The following RALGPS1 variants were observed in gnomAD, a reference collection of about 807,000 sequenced individuals.
The protein encoded by RALGPS1 is Ral GEF with PH domain and SH3 binding motif 1, also known as ras-specific guanine nucleotide-releasing factor RalGPS1.
A neutral mutation model predicts 78.8 loss-of-function variants in RALGPS1; 19 were observed. The observed-to-expected ratio is 0.24, with a 90% CI of 0.17 to 0.35. The LOEUF is 0.35. RALGPS1 is among the 10% of genes least tolerant of loss of function. The pLI, the probability that RALGPS1 is intolerant of heterozygous loss-of-function variation, is 1.00. For missense variants in RALGPS1, 454 were observed against 688.3 expected, an observed-to-expected ratio of 0.66 and a Z score of 3.81; for synonymous variants, 228 against 256.3, an observed-to-expected ratio of 0.89 and a Z score of 1.06.
chr9:127,112,311 C>T (rs2054905082), intron 8 of RALGPS1, among the ~76,000 whole-genome samples: 1 of 152,194 alleles, frequency 6.6e-6, no homozygotes, highest in African/African-American at 2.4e-5. Flanking sequence ...AGTGGTCACA[C>T]CCACCCCAGA....
At chr9:127,006,374 A>G (rs1298832112) in intron 4 of RALGPS1, among the ~76,000 whole-genome samples, 1 of 152,192 alleles carries the variant, frequency 6.6e-6, no homozygotes, top group East Asian at 1.9e-4. Flanking sequence ...GTTCTTTGAC[A>G]TCTGACATTC....
intron 10 of RALGPS1, 71 bp downstream of exon 10, chr9:127,168,843 A>G: frequency 7.6e-6 from 10 of 1,316,378 alleles, no homozygotes; most frequent in African/African-American, 1.5e-5. Context: ...GGTCCCTGCA[A>G]GTGGCCTAGC....
chr9:127,199,138 C>CG (rs2061489286), intron 14 of RALGPS1, 72 bp downstream of exon 14: 1 of 1,402,550 alleles, frequency 7.1e-7, no homozygotes, highest in Non-Finnish European at 1.0e-6. Flanking sequence ...AGACAGGCCC[C>CG]GGGCAGGGAC....
intron 11 of RALGPS1, among the ~76,000 whole-genome samples, chr9:127,186,871 G>C (rs965952037): frequency 6.6e-6 from 1 of 152,212 alleles, no homozygotes; most frequent in South Asian, 2.1e-4. Flanking sequence ...TCCAGGCCTA[G>C]TCCTGGAGGG....
At chr9:127,084,070 C>T (rs2051437997) in intron 8 of RALGPS1, among the ~76,000 whole-genome samples, 1 of 152,078 alleles carries the variant, frequency 6.6e-6, no homozygotes, top group Non-Finnish European at 1.5e-5. Context: ...GCCATCTTGC[C>T]AAGCTAATTG....
chr9:127,196,966 G>C (rs2061381940), intron 13 of RALGPS1, among the ~76,000 whole-genome samples: 1 of 152,190 alleles, frequency 6.6e-6, no homozygotes, highest in Non-Finnish European at 1.5e-5. Context: ...CCACAGTCAG[G>C]CTTCTGTCCC....
chr9:127,153,487 G>T (rs2058542918), intron 8 of RALGPS1, among the ~76,000 whole-genome samples: 1 of 151,230 alleles, frequency 6.6e-6, no homozygotes, highest in East Asian at 1.9e-4. Context: ...ATGGGTTCAG[G>T]GCCTGTGCCT....
intron 5 of RALGPS1, among the ~76,000 whole-genome samples, chr9:127,048,099 C>T (rs1355170675): frequency 6.6e-6 from 1 of 152,014 alleles, no homozygotes; most frequent in Non-Finnish European, 1.5e-5. Flanking sequence ...CTGAAAGTCC[C>T]TGTGTAGCAT....
intron 8 of RALGPS1, among the ~76,000 whole-genome samples, chr9:127,132,285 C>G (rs974748944): frequency 6.6e-6 from 1 of 152,172 alleles, no homozygotes; most frequent in African/African-American, 2.4e-5. Flanking sequence ...ATTAACACGT[C>G]CCTGATTTCC....
chr9:127,159,397 C>T (rs762292418), intron 8 of RALGPS1, among the ~76,000 whole-genome samples: 14 of 152,156 alleles, frequency 9.2e-5, no homozygotes, highest in African/African-American at 2.2e-4. Context: ...ACTTTGCCCA[C>T]GTGCCTTTGT....
intron 1 of RALGPS1, among the ~76,000 whole-genome samples, chr9:126,921,810 T>C (rs888578597): frequency 6.6e-6 from 1 of 152,208 alleles, no homozygotes; most frequent in South Asian, 2.1e-4. Context: ...AAATAGGGCT[T>C]AGCAGAGGGC....
Position 127,205,651 on chromosome 9 carries a change from C to T in RALGPS1, c.1248-6480C>T, listed in dbSNP as rs1324161415. On this transcript the variant is annotated intron_variant, in intron 14 of 18. Transcript: ENST00000259351. This position sits in a 1 kb window ranked among gnomAD's most constrained non-coding sequence, Gnocchi z 4.0. ...CAGGACGCTCCTTCCATCTTGTGTC[C>T]ATCCTTCTCTGTGCATATCTGCTTT... is the stretch of plus-strand genomic sequence containing the variant. Among the ~76,000 whole-genome samples, 2 of 152,240 alleles carry T rather than the reference C, an allele frequency of 1.3e-5. No individual in the cohort carries two copies. The highest frequency in any genetic ancestry group is 2.9e-5 in the Non-Finnish European group (2 of 68,046).
chr9:126,953,694 A>G (rs1444303984), intron 1 of RALGPS1, among the ~76,000 whole-genome samples: 1 of 152,182 alleles, frequency 6.6e-6, no homozygotes, highest in East Asian at 1.9e-4. Flanking sequence ...CAATGATCAG[A>G]CTGTGTATGA....
chr9:127,187,961 C>T (rs952067687), intron 11 of RALGPS1, among the ~76,000 whole-genome samples: 3 of 151,938 alleles, frequency 2.0e-5, no homozygotes, highest in African/African-American at 7.3e-5. Context: ...CCACCTGTGG[C>T]CCACAGAATC....
chr9:126,945,939 A>G (rs1169015994), intron 1 of RALGPS1, among the ~76,000 whole-genome samples: 2 of 152,208 alleles, frequency 1.3e-5, no homozygotes, highest in Non-Finnish European at 2.9e-5. Context: ...TGCTTTAGAT[A>G]TAGGAAAATG....
In RALGPS1 at chr9:127,069,344, A is replaced by G; in HGVS notation, c.598A>G (p.Ile200Val). The G allele has an allele frequency of 6.2e-7, 1 of 1,614,002 alleles. No homozygotes were observed. The highest frequency in any genetic ancestry group is 8.5e-7 in the Non-Finnish European group (1 of 1,179,854). Residue 200 changes from isoleucine to valine, a missense_variant, in exon 8 of 19, where the codon ATT becomes GTT. Transcript: ENST00000259351. ...CCGAAGCCTGAAGATGGTTCCAAGT[A>G]TTCCCTATCTAGGTAGGAGTTTGAA... is the stretch of plus-strand genomic sequence containing the variant. ...YIRSLKMVPS[I>V]PYLGIYLLDL...
At chr9:127,111,122 C>G (rs1042018187) in intron 8 of RALGPS1, among the ~76,000 whole-genome samples, 3 of 152,248 alleles carry the variant, frequency 2.0e-5, no homozygotes, top group Non-Finnish European at 4.4e-5. Flanking sequence ...CTCCAACCAC[C>G]TGGTTGACCT....
rs773476550 is a variant in RALGPS1, at chr9:127,174,759, T to A, written c.887T>A (p.Val296Asp). Reference protein sequence around the residue: ...IEPGSSSPRLVSSKEDLAGPS... With the variant: ...IEPGSSSPRLDSSKEDLAGPS... ...CCAGGAAGCAGCTCTCCAAGACTAGTCTCTTCCAAGGAAGATCTTGCAGGT... is the reference window on the plus strand; with the variant it reads ...CCAGGAAGCAGCTCTCCAAGACTAGACTCTTCCAAGGAAGATCTTGCAGGT... Residue 296 changes from valine (V) to aspartate (D), a missense_variant, in exon 11 of 19, where the codon GTC becomes GAC. Transcript: ENST00000259351. 1.9e-5 allele frequency: 30 copies of A among 1,614,060 alleles called. No homozygotes were observed. Among genetic ancestry groups the A allele is most frequent in the Admixed American group, 6.7e-5 (4 of 60,008 alleles).
intron 4 of RALGPS1, among the ~76,000 whole-genome samples, chr9:127,018,644 G>GATGATA (rs2134094212): frequency 1.0e-5 from 1 of 95,516 alleles, no homozygotes; most frequent in South Asian, 3.5e-4. Flanking sequence ...AAATAATAAT[G>GATGATA]ATGATAATAA....
Sources: allele counts gnomAD v4.1 joint callset (sites outside exome capture counted in the v4.1 genomes callset), GRCh38; gene constraint gnomAD v4.1.1; non-coding constraint Gnocchi (gnomAD v3.1); transcripts MANE v1.5; gene names NCBI Gene and HGNC (gene_info 2026-07-23, HGNC 2026-07-21).